Variants in RANBP17 observed in about 807,000 individuals in gnomAD.
RANBP17 encodes the protein ran-binding protein 17.
Under a neutral mutation model 141.2 loss-of-function variants are expected in RANBP17, and 158 were observed. That is an observed-to-expected ratio of 1.12 (90% CI 0.98 to 1.28). RANBP17 has a LOEUF of 1.28. Among genes scored for constraint, RANBP17 ranks in the 50% most tolerant of loss-of-function variants. RANBP17 has a pLI of 0.00. For missense variants in RANBP17, 1,438 were observed against 1,290.7 expected (o/e 1.11, Z -1.75); for synonymous variants, 430 against 450.0 (o/e 0.96, Z 0.56).
At chr5:171,152,936 T>C (rs1758596176) in intron 14 of RANBP17, among the ~76,000 whole-genome samples, 1 of 152,238 alleles carries the variant, frequency 6.6e-6, no homozygotes, top group Admixed American at 6.5e-5. Flanking sequence ...TCACAAGATT[T>C]GACCTTAGGT....
chr5:171,298,144 C>T (rs1768936537), intron 27 of RANBP17, among the ~76,000 whole-genome samples: 1 of 152,150 alleles, frequency 6.6e-6, no homozygotes, highest in Admixed American at 6.5e-5. Flanking sequence ...AGGCATGAGC[C>T]ACCGCACCCA....
intron 14 of RANBP17, among the ~76,000 whole-genome samples, chr5:171,066,179 TCA>T (rs753782550): frequency 6.6e-6 from 1 of 152,166 alleles, no homozygotes; most frequent in Non-Finnish European, 1.5e-5. Context: ...TTTTTTATTT[TCA>T]GTTTGAAATA....
At chr5:171,275,072 G>A (rs1048362465) in intron 25 of RANBP17, among the ~76,000 whole-genome samples, 1 of 152,104 alleles carries the variant, frequency 6.6e-6, no homozygotes, top group Non-Finnish European at 1.5e-5. Context: ...AATTGAAAGG[G>A]ATGGAATCCA....
At chr5:171,219,392 G>A (rs989097357) in intron 21 of RANBP17, among the ~76,000 whole-genome samples, 1 of 152,082 alleles carries the variant, frequency 6.6e-6, no homozygotes, top group Non-Finnish European at 1.5e-5. Context: ...CTCAAGGAGT[G>A]TGTTAGTGGT....
At chr5:171,154,268 T>C (rs1758699825) in intron 14 of RANBP17, among the ~76,000 whole-genome samples, 1 of 152,116 alleles carries the variant, frequency 6.6e-6, no homozygotes, top group South Asian at 2.1e-4. Context: ...AAGATTATTT[T>C]ATGTGCAAGT....
intron 14 of RANBP17, among the ~76,000 whole-genome samples, chr5:171,031,830 A>G (rs1017309786): frequency 6.6e-6 from 1 of 152,018 alleles, no homozygotes; most frequent in Non-Finnish European, 1.5e-5. Flanking sequence ...ATATCCTACT[A>G]TTATCTCTAC....
intron 18 of RANBP17, among the ~76,000 whole-genome samples, chr5:171,191,132 A>T (rs542557571): frequency 3.9e-5 from 6 of 152,342 alleles, no homozygotes; most frequent in Admixed American, 3.3e-4. Context: ...TATAAGAGGT[A>T]ATTGGCATCT....
At chr5:171,152,482 C>G (rs1758562303) in intron 14 of RANBP17, among the ~76,000 whole-genome samples, 1 of 151,746 alleles carries the variant, frequency 6.6e-6, no homozygotes, top group Non-Finnish European at 1.5e-5. Context: ...CTATCATGCA[C>G]AATGTAGTCA....
intron 7 of RANBP17, among the ~76,000 whole-genome samples, chr5:170,912,876 A>C (rs1771646478): frequency 1.3e-5 from 2 of 151,982 alleles, no homozygotes; most frequent in Admixed American, 6.6e-5. Context: ...TTCCCAGCAT[A>C]ATGAATGAAA....
intron 14 of RANBP17, chr5:171,158,368 C>T (rs1315911723): frequency 1.6e-5 from 3 of 188,932 alleles, no homozygotes; most frequent in African/African-American, 7.0e-5. Flanking sequence ...GTATCCCTTG[C>T]TTTACTGAAT....
At chr5:170,934,570 GT>G (rs1487755083) in intron 12 of RANBP17, among the ~76,000 whole-genome samples, 1 of 152,174 alleles carries the variant, frequency 6.6e-6, no homozygotes, top group Non-Finnish European at 1.5e-5. Flanking sequence ...ATGAAGCCTA[GT>G]TTGGCTGGAT....
intron 14 of RANBP17, among the ~76,000 whole-genome samples, chr5:170,990,591 A>G (rs1178221021): frequency 2.0e-5 from 3 of 151,974 alleles, no homozygotes; most frequent in African/African-American, 7.2e-5. Context: ...AAAAAAATAT[A>G]CTGTTTTATT....
At chr5:171,080,439 T>G (rs911283622) in intron 14 of RANBP17, among the ~76,000 whole-genome samples, 19 of 152,204 alleles carry the variant, frequency 1.2e-4, no homozygotes, top group African/African-American at 4.6e-4. Context: ...TGTGAATTGT[T>G]TACATGTCTG....
chr5:171,127,416 AAAG>A (rs1295527028), intron 14 of RANBP17, among the ~76,000 whole-genome samples: 1 of 152,234 alleles, frequency 6.6e-6, no homozygotes. Flanking sequence ...GGAACAAGAC[AAAG>A]AAGAGACGAC....
intron 14 of RANBP17, among the ~76,000 whole-genome samples, chr5:170,992,028 A>C (rs1170898771): frequency 1.3e-5 from 2 of 151,992 alleles, no homozygotes; most frequent in African/African-American, 4.8e-5. Flanking sequence ...TCCTAATACC[A>C]GGCAGAACTT....
At chr5:171,080,999 G>A (rs1785230937) in intron 14 of RANBP17, among the ~76,000 whole-genome samples, 2 of 152,116 alleles carry the variant, frequency 1.3e-5, no homozygotes, top group Non-Finnish European at 2.9e-5. Flanking sequence ...ACTGGGCATT[G>A]ACTGTGTGAT....
chr5:170,919,719 G>A (rs1772272020), intron 11 of RANBP17, 106 bp downstream of exon 11: 1 of 804,716 alleles, frequency 1.2e-6, no homozygotes, highest in Admixed American at 2.9e-5. Context: ...ACAGTTGTAT[G>A]ATTTCTGACA....
chr5:170,991,113 T>C (rs1000539476), intron 14 of RANBP17, among the ~76,000 whole-genome samples: 1 of 152,108 alleles, frequency 6.6e-6, no homozygotes, highest in South Asian at 2.1e-4. Context: ...CTGGGAAAAC[T>C]ACACTCCAAT....
At chr5:170,929,627 T>C (rs1773186785) in intron 12 of RANBP17, among the ~76,000 whole-genome samples, 1 of 152,194 alleles carries the variant, frequency 6.6e-6, no homozygotes, top group Admixed American at 6.5e-5. Context: ...GCAACACTTT[T>C]GTTATTTTAT....
Sources: gnomAD v4.1 joint callset for allele counts (sites outside exome capture counted in the v4.1 genomes callset) on GRCh38, gnomAD v4.1.1 for gene constraint, MANE v1.5 for transcripts, NCBI Gene and HGNC (gene_info 2026-07-23, HGNC 2026-07-21) for gene names.